DAB2IP: variants seen among roughly 807,000 people sequenced by gnomAD.
DAB2IP encodes the protein DAB2 interacting protein, also known as disabled homolog 2-interacting protein.
Under a neutral mutation model 107.2 loss-of-function variants are expected in DAB2IP, and 28 were observed. That is an observed-to-expected ratio of 0.26 (90% CI 0.19 to 0.36). The LOEUF is 0.36. Among genes scored for constraint, DAB2IP ranks in the 10% least tolerant of loss-of-function variants. DAB2IP has a pLI of 1.00. For missense variants in DAB2IP, 1,400 were observed against 1,644.7 expected, an observed-to-expected ratio of 0.85 and a Z score of 2.57; for synonymous variants, 755 against 706.4, an observed-to-expected ratio of 1.07 and a Z score of -1.09.
At chr9:121,747,408 C>T (rs1432313248) in intron 3 of DAB2IP, among the ~76,000 whole-genome samples, 1 of 149,814 alleles carries the variant, frequency 6.7e-6, no homozygotes, top group African/African-American at 2.5e-5. Context: ...AGTGCAGTGG[C>T]ACTATCTTGG....
intron 6 of DAB2IP, among the ~76,000 whole-genome samples, chr9:121,762,541 T>C (rs1045011081): frequency 6.6e-6 from 1 of 152,186 alleles, no homozygotes; most frequent in Non-Finnish European, 1.5e-5. Context: ...CACCCTGGGT[T>C]CCTGTGTCTA....
In DAB2IP at chr9:121,635,914, G is replaced by A. The variant is rs1000896469; in HGVS notation, c.41-42764G>A. ...TGTTTAGATGTCTTTTTTGGGGGGG[G>A]GTCTGGGGGATGGAGTCTTGCTCTG... On this transcript the variant is annotated intron_variant, in intron 1 of 16. Transcript: ENST00000259371. The surrounding 1 kb of genome is among the most constrained non-coding windows in gnomAD (Gnocchi z 4.3). Among the ~76,000 whole-genome samples, 2 of 150,458 alleles carry A rather than the reference G, an allele frequency of 1.3e-5. No homozygotes were observed. The highest frequency in any genetic ancestry group is 2.1e-4 in the South Asian group (1 of 4,762).
At position 121,632,188 on chromosome 9, in the gene DAB2IP, C is replaced by T. The variant is rs770167524; in HGVS notation, c.41-46490C>T. ...TGCGTGGCCTCGGGCGTGTTTGTTACGCTTGCGAATTAATTTGCTCATCTA... is the reference window on the plus strand; with the variant it reads ...TGCGTGGCCTCGGGCGTGTTTGTTATGCTTGCGAATTAATTTGCTCATCTA... On this transcript the variant is annotated intron_variant, in intron 1 of 16. Coordinates refer to the DAB2IP transcript ENST00000259371. Among the ~76,000 whole-genome samples the T allele has an allele frequency of 1.4e-4, 22 of 152,332 alleles. 1 individual carries two copies. The highest frequency in any genetic ancestry group is 4.1e-4 in the African/African-American group (17 of 41,566).
chr9:121,594,442 G>A (rs974619778), intron 1 of DAB2IP, among the ~76,000 whole-genome samples: 1 of 151,900 alleles, frequency 6.6e-6, no homozygotes, highest in African/African-American at 2.4e-5. Flanking sequence ...TCACCATGTT[G>A]ACCAGGCTGG....
intron 11 of DAB2IP, among the ~76,000 whole-genome samples, chr9:121,771,275 A>G (rs934011341): frequency 6.6e-6 from 1 of 152,172 alleles, no homozygotes; most frequent in Non-Finnish European, 1.5e-5. Flanking sequence ...GTGGAAGGCA[A>G]AATGTTCTTG....
At chr9:121,675,747 T>C (rs374706900) in intron 1 of DAB2IP, among the ~76,000 whole-genome samples, 2 of 152,198 alleles carry the variant, frequency 1.3e-5, no homozygotes, top group African/African-American at 4.8e-5. Context: ...CTCTGGTCAT[T>C]GGTAGCTTGG....
At position 121,699,397 on chromosome 9, in the gene DAB2IP, A is replaced by T; in HGVS notation, c.301A>T (p.Ser101Cys). ...CCAGCCCAAGCTGGACCGCAACCAC[A>T]GCTTCCGCCACATCCTGCCGGGGTT... is the stretch of plus-strand genomic sequence containing the variant. Residue 101 changes from serine to cysteine, a missense_variant, in exon 3 of 16, where the codon AGC (serine) becomes TGC (cysteine). Physicochemically the swap from Ser to Cys is moderately radical, Grantham distance 112. This residue lies in a region of DAB2IP where 283 missense variants were observed against 237.0 expected (regional missense o/e 1.19). Coordinates refer to ENST00000408936, the Ensembl canonical transcript of DAB2IP. The surrounding 1 kb of genome is among the most constrained non-coding windows in gnomAD (Gnocchi z 6.2). 1 of 1,469,178 alleles carries T rather than the reference A, an allele frequency of 6.8e-7. No individual in the cohort carries two copies. The highest frequency in any genetic ancestry group is 9.1e-7 in the Non-Finnish European group (1 of 1,100,192). The allele number at this position is 1,469,178 out of a possible 1,614,324, so 91.0% of individuals were successfully genotyped here.
chr9:121,642,031 CTTTCTTTCTTTCTTTCTT>C (rs1832360500), intron 1 of DAB2IP, among the ~76,000 whole-genome samples: 1 of 20,094 alleles, frequency 5.0e-5, no homozygotes, highest in Non-Finnish European at 9.5e-5. Context: ...CTCTCTCTCT[CTTTCTTTCTTTCTTTCTT>C]TCTTTCTTTC....
chr9:121,641,995 T>TTCTCTCTCTC (rs71370683), intron 1 of DAB2IP, among the ~76,000 whole-genome samples: 729 of 34,682 alleles, frequency 0.021, 25 homozygotes, highest in Non-Finnish European at 0.023. Context: ...TTTCTTTCCT[T>TTCTCTCTCTC]TCTCTCTCTC....
intron 2 of DAB2IP, among the ~76,000 whole-genome samples, chr9:121,690,681 G>A (rs1445482243): frequency 1.3e-5 from 2 of 152,176 alleles, no homozygotes; most frequent in South Asian, 2.1e-4. Context: ...CTCTGCTGAC[G>A]TCCTCAGCTC....
chr9:121,778,967 T>C (rs1454930330), intron 14 of DAB2IP, among the ~76,000 whole-genome samples: 1 of 152,214 alleles, frequency 6.6e-6, no homozygotes, highest in Non-Finnish European at 1.5e-5. Context: ...GATTTGTATG[T>C]CTGCAGTCCC....
intron 2 of DAB2IP, among the ~76,000 whole-genome samples, chr9:121,687,085 C>T (rs1589516637): frequency 6.6e-6 from 1 of 152,148 alleles, no homozygotes; most frequent in Non-Finnish European, 1.5e-5. Context: ...TTCTGGGTGG[C>T]TCCTCCCAGT....
intron 3 of DAB2IP, among the ~76,000 whole-genome samples, chr9:121,747,537 T>TG (rs1310139211): frequency 6.6e-6 from 1 of 152,000 alleles, no homozygotes; most frequent in African/African-American, 2.4e-5. Context: ...TTGGTAGAGA[T>TG]GGGGTTTCAC....
chr9:121,613,986 G>C (rs1364072878), intron 1 of DAB2IP, among the ~76,000 whole-genome samples: 1 of 152,186 alleles, frequency 6.6e-6, no homozygotes, highest in Non-Finnish European at 1.5e-5. Flanking sequence ...AAGCAGATTG[G>C]ATAAAGACAT....
chr9:121,612,951 T>C (rs1256378050), intron 1 of DAB2IP, among the ~76,000 whole-genome samples: 1 of 152,206 alleles, frequency 6.6e-6, no homozygotes, highest in African/African-American at 2.4e-5. Flanking sequence ...GTTAGGACAC[T>C]TGGGGAGGTG....
At chr9:121,739,259 G>A (rs372483118) in intron 3 of DAB2IP, among the ~76,000 whole-genome samples, 20 of 152,324 alleles carry the variant, frequency 1.3e-4, no homozygotes, top group East Asian at 9.6e-4. Context: ...CTAGGGAGCA[G>A]CAAGTACAAA....
chr9:121,711,806 G>T (rs1051837672), intron 3 of DAB2IP, among the ~76,000 whole-genome samples: 20 of 151,972 alleles, frequency 1.3e-4, no homozygotes, highest in Non-Finnish European at 4.4e-5. Context: ...AGAGCCCTCT[G>T]TGGGGAGGTG....
At chr9:121,590,922 G>A (rs991597869) in intron 1 of DAB2IP, among the ~76,000 whole-genome samples, 8 of 152,178 alleles carry the variant, frequency 5.3e-5, no homozygotes, top group Admixed American at 5.2e-4. Flanking sequence ...ATCACCAACT[G>A]CAACGGACAC....
At chr9:121,650,234 G>T (rs1313991296), upstream of DAB2IP, among the ~76,000 whole-genome samples, 4 of 152,186 alleles carry the variant, frequency 2.6e-5, no homozygotes, top group African/African-American at 4.8e-5. Flanking sequence ...CAGGGCAGCT[G>T]ATAGCTCTGG....
Sources: gnomAD v4.1 joint callset for allele counts (sites outside exome capture counted in the v4.1 genomes callset) on GRCh38, gnomAD v4.1.1 for gene constraint, gnomAD v4.1.1 regional missense constraint, Gnocchi (gnomAD v3.1) non-coding constraint, MANE v1.5 for transcripts, NCBI Gene and HGNC (gene_info 2026-07-23, HGNC 2026-07-21) for gene names.